FAT3: variants seen among roughly 807,000 people sequenced by gnomAD.
FAT3 encodes the protein protocadherin Fat 3.
A neutral mutation model predicts 310.2 loss-of-function variants in FAT3; 95 were observed. The ratio of observed to expected loss-of-function variants is 0.31; its 90% CI spans 0.26 to 0.36. The LOEUF (loss-of-function observed/expected upper bound fraction) is 0.36. Among genes scored for constraint, FAT3 ranks in the 10% least tolerant of loss-of-function variants. FAT3 has a pLI of 1.00. For missense variants in FAT3, 5,408 were observed against 5,715.6 expected, an observed-to-expected ratio of 0.95 and a Z score of 1.74; for synonymous variants, 2,314 against 2,192.9, an observed-to-expected ratio of 1.06 and a Z score of -1.54.
intron 16 of FAT3, among the ~76,000 whole-genome samples, chr11:92,837,199 T>C (rs565968944): frequency 6.6e-6 from 1 of 152,330 alleles, no homozygotes; most frequent in South Asian, 2.1e-4. Flanking sequence ...AAGGATGACA[T>C]GGCAATGATG....
At position 92,362,865 on chromosome 11, in the gene FAT3, G is replaced by C. The variant is rs57317861; in HGVS notation, c.3292+7461G>C. Among the ~76,000 whole-genome samples, 108 of 152,066 alleles carry C rather than the reference G, an allele frequency of 7.1e-4. No individual in the cohort carries two copies. The East Asian group carries it at 0.017, about 24-fold the overall frequency. On this transcript the variant is annotated intron_variant, in intron 2 of 27. Coordinates refer to ENST00000525166, the MANE Select transcript of FAT3 (RefSeq NM_001367949.2). Reference sequence around the variant, plus strand: ...TTCTGTAATACTGCTTTGATGTGTTGGTACATTTCAGTACCAACAGTAGAG... The same window carrying C: ...TTCTGTAATACTGCTTTGATGTGTTCGTACATTTCAGTACCAACAGTAGAG...
intron 3 of FAT3, among the ~76,000 whole-genome samples, chr11:92,546,188 G>A (rs1954611436): frequency 6.6e-6 from 1 of 152,186 alleles, no homozygotes; most frequent in African/African-American, 2.4e-5. Context: ...ATCTGAAACT[G>A]TAGGGGTGGT....
Position 92,891,290 on chromosome 11 carries a change from G to C in FAT3, c.*177G>C. 2.3e-6 allele frequency: 2 copies of C among 867,450 alleles called. No individual in the cohort carries two copies. Among genetic ancestry groups the C allele is most frequent in the Non-Finnish European group, 3.4e-6 (2 of 582,270 alleles). 53.7% of individuals were successfully genotyped at this position (867,450 alleles called of 1,614,324 possible). The stretch of plus-strand genomic sequence containing the variant: ...CAAGCAAGCTTGATTCCAGTTGGGT[G>C]AAAATGAAAGGCTCAGAAATTGTTT... On this transcript the variant is annotated 3_prime_UTR_variant, in exon 28 of 28. Transcript: ENST00000525166.
intron 12 of FAT3, 53 bp downstream of exon 12, chr11:92,806,568 G>T (rs1228576494): frequency 2.8e-5 from 41 of 1,456,368 alleles, no homozygotes; most frequent in Non-Finnish European, 3.7e-5. Context: ...CATGAGAGAA[G>T]TTAAACTTAT....
chr11:92,881,230 GA>G (rs1250267130), intron 23 of FAT3, among the ~76,000 whole-genome samples: 4 of 152,126 alleles, frequency 2.6e-5, no homozygotes, highest in Non-Finnish European at 5.9e-5. Context: ...CATTTCCGCA[GA>G]ATCCATTAAC....
At chr11:92,704,402 C>T (rs1023884647) in intron 4 of FAT3, among the ~76,000 whole-genome samples, 2 of 152,144 alleles carry the variant, frequency 1.3e-5, no homozygotes, top group African/African-American at 2.4e-5. Context: ...CTGCAAAGCA[C>T]GTATTATGGG....
chr11:92,283,804 T>C (rs142036500), intron 1 of FAT3, among the ~76,000 whole-genome samples: 1 of 152,236 alleles, frequency 6.6e-6, no homozygotes, highest in East Asian at 1.9e-4. Flanking sequence ...TTACAGTTTA[T>C]TGTGTTAGTG....
intron 3 of FAT3, among the ~76,000 whole-genome samples, chr11:92,573,317 G>A (rs760690079): frequency 1.4e-4 from 22 of 152,010 alleles, no homozygotes; most frequent in Non-Finnish European, 2.8e-4. Context: ...TGCGAATTAT[G>A]GAGGCCTCTT....
rs1039443410 is a variant in FAT3 at position 92,334,510 on chromosome 11, A to G, written c.-17-17586A>G. Among the ~76,000 whole-genome samples the G allele has an allele frequency of 2.6e-5, 4 of 151,942 alleles. No individual in the cohort carries two copies. In the South Asian group the frequency reaches 8.3e-4, roughly 32 times the overall value. ...ACAGGTTCCACTTCTATCAGGATCCATTTTATACCTTCTACAAAAGAGACT... is the reference window on the plus strand; with the variant it reads ...ACAGGTTCCACTTCTATCAGGATCCGTTTTATACCTTCTACAAAAGAGACT... On this transcript the variant is annotated intron_variant, in intron 1 of 27. Transcript: ENST00000525166.
At chr11:92,784,753 T>C (rs1461341974) in intron 7 of FAT3, among the ~76,000 whole-genome samples, 2 of 152,116 alleles carry the variant, frequency 1.3e-5, no homozygotes, top group Non-Finnish European at 2.9e-5. Flanking sequence ...AGGAAGTCTT[T>C]TACTGAGAAA....
At chr11:92,690,375 A>G (rs1943764668) in intron 3 of FAT3, among the ~76,000 whole-genome samples, 1 of 152,204 alleles carries the variant, frequency 6.6e-6, no homozygotes, top group African/African-American at 2.4e-5. Flanking sequence ...TCCAACTTGC[A>G]GGCTTAAGCT....
At chr11:92,236,311 G>A (rs575541832) in intron 1 of FAT3, among the ~76,000 whole-genome samples, 39 of 152,220 alleles carry the variant, frequency 2.6e-4, no homozygotes, top group South Asian at 6.2e-4. Context: ...TATGTAAAGC[G>A]AATGTATGAA....
chr11:92,474,914 T>C (rs1170721585), intron 2 of FAT3, among the ~76,000 whole-genome samples: 2 of 152,254 alleles, frequency 1.3e-5, no homozygotes, highest in African/African-American at 4.8e-5. Context: ...CTGATTGTAT[T>C]CATGGCTTGT....
chr11:92,336,112 G>A (rs994977387), intron 1 of FAT3: 7 of 523,622 alleles, frequency 1.3e-5, no homozygotes, highest in African/African-American at 9.6e-5. Context: ...TTGGCCTCTC[G>A]GTATTTCACA....
At chr11:92,747,014 G>C (rs1223424617) in intron 4 of FAT3, among the ~76,000 whole-genome samples, 1 of 152,196 alleles carries the variant, frequency 6.6e-6, no homozygotes, top group African/African-American at 2.4e-5. Flanking sequence ...AGTGCAAGCT[G>C]TTGGTGGATC....
chr11:92,455,173 G>A (rs146082452), intron 2 of FAT3, among the ~76,000 whole-genome samples: 104 of 152,282 alleles, frequency 6.8e-4, no homozygotes, highest in African/African-American at 2.3e-3. Flanking sequence ...CTAGAATGGT[G>A]TTCACATAAC....
At chr11:92,765,149 GAAAAAA>G in intron 6 of FAT3, 60 bp downstream of exon 6, 1 of 984,344 alleles carries the variant, frequency 1.0e-6, no homozygotes, top group African/African-American at 1.8e-5. Flanking sequence ...AAGCAACTAG[GAAAAAA>G]AAAAAAAAGA....
intron 2 of FAT3, among the ~76,000 whole-genome samples, chr11:92,375,725 A>G (rs909203674): frequency 2.0e-5 from 3 of 152,166 alleles, no homozygotes; most frequent in African/African-American, 7.2e-5. Context: ...ATCACCTTTT[A>G]TTAGATGCCG....
chr11:92,654,963 C>T (rs1422025291), intron 3 of FAT3, among the ~76,000 whole-genome samples: 1 of 147,464 alleles, frequency 6.8e-6, no homozygotes, highest in Non-Finnish European at 1.5e-5. Flanking sequence ...CTTTCATTCC[C>T]TCCTGTAAGT....
Sources: gnomAD v4.1 joint callset for allele counts (sites outside exome capture counted in the v4.1 genomes callset) on GRCh38, gnomAD v4.1.1 for gene constraint, MANE v1.5 for transcripts, NCBI Gene and HGNC (gene_info 2026-07-23, HGNC 2026-07-21) for gene names.